Variants in TUBB6 observed in about 807,000 individuals in gnomAD.
The protein encoded by TUBB6 is tubulin beta 6 class V.
Under a neutral mutation model 32.3 loss-of-function variants are expected in TUBB6, and 18 were observed. The ratio of observed to expected loss-of-function variants is 0.56; its 90% CI spans 0.39 to 0.83. The LOEUF is 0.83. Ranked by LOEUF, TUBB6 falls within the 40% of genes least tolerant of loss-of-function variation. The pLI is 0.00. For missense variants in TUBB6, 480 were observed against 632.0 expected, an observed-to-expected ratio of 0.76 and a Z score of 2.58; for synonymous variants, 280 against 265.8, an observed-to-expected ratio of 1.05 and a Z score of -0.52.
downstream of TUBB6, chr18:12,329,451 G>T: frequency 9.0e-7 from 1 of 1,110,858 alleles, no homozygotes; most frequent in Non-Finnish European, 1.4e-6. Flanking sequence ...TTTCAGCTGG[G>T]CCAGTGGCTG....
At position 12,325,305 on chromosome 18, in the gene TUBB6, G is replaced by A. The variant is rs989624240; in HGVS notation, c.516G>A (p.Ser172=). 2 of 1,614,188 alleles carry A rather than the reference G, an allele frequency of 1.2e-6. No individual in the cohort carries two copies. Among genetic ancestry groups the A allele is most frequent in the East Asian group, 2.2e-5 (1 of 44,884 alleles). ...RIMNTFSVMP[S]PKVSDTVVEP... ...TGAACACCTTCAGCGTCATGCCCTC[G>A]CCCAAGGTGTCGGACACGGTGGTGG... The change falls in exon 4 of 4, where the codon TCG becomes TCA. Residue 172 remains serine (S), a synonymous_variant. Transcript: ENST00000317702.
At chr18:12,320,838 A>G (rs1169321623) in intron 3 of TUBB6, 1 of 152,238 alleles carries the variant, frequency 6.6e-6, no homozygotes, top group Admixed American at 6.5e-5. Flanking sequence ...TCTATCTAGA[A>G]AAACTTACAG....
Position 12,325,759 on chromosome 18 carries a change from AAGG to A in TUBB6, c.974_976del (p.Glu325del), listed in dbSNP as rs754508399. On this transcript the variant is annotated inframe_deletion, in exon 4 of 4. Transcript: ENST00000317702. ...CGTGTTCCGCGGGCCCATGTCCATG[AAGG>A]AGGTGGACGAGCAGATGCTGGCCAT... The A allele has an allele frequency of 6.2e-7, 1 of 1,614,224 alleles. No individual in the cohort carries two copies. The highest frequency in any genetic ancestry group is 1.1e-5 in the South Asian group (1 of 91,084).
intron 3 of TUBB6, 110 bp from the exon 4 acceptor site, chr18:12,324,957 T>G: frequency 2.0e-6 from 3 of 1,505,140 alleles, no homozygotes; most frequent in Non-Finnish European, 2.7e-6. Context: ...CCCCTCCCTT[T>G]GGCTAACAGC....
downstream of TUBB6, among the ~76,000 whole-genome samples, chr18:12,327,435 G>C (rs1307668725): frequency 6.6e-6 from 1 of 152,236 alleles, no homozygotes; most frequent in Admixed American, 6.5e-5. Flanking sequence ...TTGACTAGCT[G>C]TATTTATTTT....
rs1445123896 is a variant in TUBB6 at position 12,325,875 on chromosome 18, G to T, written c.1086G>T (p.Lys362Asn). The T allele has an allele frequency of 5.0e-6, 8 of 1,614,078 alleles. No homozygotes were observed. The highest frequency in any genetic ancestry group is 6.8e-6 in the Non-Finnish European group (8 of 1,180,060). The change falls in exon 4 of 4, where the codon AAG becomes AAT. Residue 362 changes from lysine to asparagine, a missense_variant. Coordinates refer to ENST00000317702, the MANE Select transcript of TUBB6 (RefSeq NM_032525.3). ...AVCDIPPRGL[K>N]MASTFIGNST... is the part of the protein sequence containing the mutation. ...GCGACATCCCGCCCCGCGGCCTGAA[G>T]ATGGCCTCCACCTTCATCGGCAACA... is the stretch of plus-strand genomic sequence containing the variant.
At position 12,325,749 on chromosome 18, in the gene TUBB6, C is replaced by T. The variant is rs1647787895; in HGVS notation, c.960C>T (p.Pro320=). 1.2e-6 allele frequency: 2 copies of T among 1,614,132 alleles called. No homozygotes were observed. Among genetic ancestry groups the T allele is most frequent in the African/African-American group, 1.3e-5 (1 of 74,954 alleles). ...CCGTGGCCACCGTGTTCCGCGGGCC[C>T]ATGTCCATGAAGGAGGTGGACGAGC... The part of the protein sequence containing the change: ...YLTVATVFRG[P]MSMKEVDEQM... The change falls in exon 4 of 4, where the codon CCC becomes CCT. Residue 320 remains proline (P), a synonymous_variant. Coordinates refer to ENST00000317702, the MANE Select transcript of TUBB6 (RefSeq NM_032525.3).
At chr18:12,320,273 C>CTTGA (rs10667632) in intron 3 of TUBB6, among the ~76,000 whole-genome samples, 120,440 of 151,700 alleles carry the variant, frequency 0.79, 49,117 homozygotes, top group Non-Finnish European at 0.89. Context: ...TTAATATTCA[C>CTTGA]TTATCATAAA....
downstream of TUBB6, among the ~76,000 whole-genome samples, chr18:12,327,315 G>C (rs570482921): frequency 2.5e-4 from 38 of 152,314 alleles, 1 homozygote; most frequent in South Asian, 4.1e-3. Flanking sequence ...ACCTGTGTTG[G>C]ACAGGGAATA....
intron 2 of TUBB6, among the ~76,000 whole-genome samples, chr18:12,310,037 A>G (rs1388675767): frequency 6.6e-6 from 1 of 152,132 alleles, no homozygotes; most frequent in Non-Finnish European, 1.5e-5. Context: ...AACAGGAAAG[A>G]GGTGTCAGGG....
At chr18:12,309,454 A>C (rs1044948302) in intron 2 of TUBB6, among the ~76,000 whole-genome samples, 1 of 135,336 alleles carries the variant, frequency 7.4e-6, no homozygotes, top group African/African-American at 2.8e-5. Context: ...CTTGGCTAAA[A>C]ATTTGAGAAA....
intron 3 of TUBB6, among the ~76,000 whole-genome samples, chr18:12,319,204 C>T (rs1323004686): frequency 1.3e-5 from 2 of 148,664 alleles, no homozygotes; most frequent in Non-Finnish European, 3.0e-5. Flanking sequence ...AGTGCAATGG[C>T]GCAATCTCGG....
intron 3 of TUBB6, among the ~76,000 whole-genome samples, chr18:12,313,822 T>C (rs950177775): frequency 1.3e-5 from 2 of 152,122 alleles, no homozygotes; most frequent in African/African-American, 4.8e-5. Context: ...TGCTCACACA[T>C]AGAGATTGCA....
chr18:12,325,374 TAC>T lies in TUBB6; in HGVS notation c.587_588del (p.Thr196ArgfsTer13). 1.2e-6 allele frequency: 2 copies of T among 1,614,144 alleles called. No individual in the cohort carries two copies. Among genetic ancestry groups the T allele is most frequent in the Non-Finnish European group, 1.7e-6 (2 of 1,180,004 alleles). ...TLSVHQLVEN[T>X]DETYCIDNEA... Reference sequence around the variant, plus strand: ...TGTCGGTGCACCAGCTGGTGGAGAATACAGACGAGACCTACTGCATCGACAAC... The same window carrying T: ...TGTCGGTGCACCAGCTGGTGGAGAATAGACGAGACCTACTGCATCGACAAC... On this transcript the variant is annotated frameshift_variant, in exon 4 of 4. Transcript: ENST00000317702. LOFTEE classifies it high-confidence loss of function.
intron 3 of TUBB6, 40 bp from the exon 4 acceptor site, chr18:12,325,027 C>T: frequency 3.9e-6 from 6 of 1,539,068 alleles, no homozygotes; most frequent in Non-Finnish European, 4.4e-6. Flanking sequence ...ATGGCGCAGC[C>T]CTTTCCTGTT....
At chr18:12,312,432 A>T (rs917126432) in intron 3 of TUBB6, among the ~76,000 whole-genome samples, 49 of 152,250 alleles carry the variant, frequency 3.2e-4, no homozygotes, top group Non-Finnish European at 1.5e-5. Flanking sequence ...TCCACTCACT[A>T]TGTGGCCTTA....
chr18:12,329,746 T>C (rs1568130549), downstream of TUBB6: 1 of 1,614,238 alleles, frequency 6.2e-7, no homozygotes, highest in Non-Finnish European at 8.5e-7. Flanking sequence ...CATATCATTC[T>C]TATCTAATAC....
Position 12,325,221 on chromosome 18 carries a change from C to A in TUBB6, c.432C>A (p.Gly144=). ...CGCACTCGCTGGGCGGCGGCACGGG[C>A]TCAGGCATGGGCACGCTGCTCATCA... The part of the protein sequence containing the change: ...QLTHSLGGGT[G]SGMGTLLISK... The change falls in exon 4 of 4, where the codon GGC becomes GGA. Residue 144 remains glycine, a synonymous_variant. Transcript: ENST00000317702. 2 of 1,614,118 alleles carry A rather than the reference C, an allele frequency of 1.2e-6. No homozygotes were observed. Among genetic ancestry groups the A allele is most frequent in the South Asian group, 1.1e-5 (1 of 91,064 alleles).
intron 3 of TUBB6, among the ~76,000 whole-genome samples, chr18:12,313,891 C>A (rs1414741982): frequency 6.6e-6 from 1 of 152,192 alleles, no homozygotes; most frequent in Non-Finnish European, 1.5e-5. Context: ...TCTGAGAGCT[C>A]CTCTTGCCCA....
Sources: allele counts gnomAD v4.1 joint callset (sites outside exome capture counted in the v4.1 genomes callset), GRCh38; gene constraint gnomAD v4.1.1; transcripts MANE v1.5; gene names NCBI Gene and HGNC (gene_info 2026-07-23, HGNC 2026-07-21).